Variants in STAT4 observed in about 807,000 individuals in gnomAD.
STAT4 encodes signal transducer and activator of transcription 4.
A neutral mutation model predicts 110.5 loss-of-function variants in STAT4; 42 were observed. That is an observed-to-expected ratio of 0.38 (90% CI 0.30 to 0.49). STAT4 has a LOEUF of 0.49. Among genes scored for constraint, STAT4 ranks in the 20% least tolerant of loss-of-function variants. The probability of loss-of-function intolerance (pLI) is 0.95; values close to 1 mark genes in which losing one functional copy is unlikely to be tolerated. For missense variants in STAT4, 632 were observed against 887.9 expected (o/e 0.71, Z 3.66); for synonymous variants, 284 against 302.2 (o/e 0.94, Z 0.63).
At chr2:191,100,315 C>T (rs1455097266) in intron 3 of STAT4, among the ~76,000 whole-genome samples, 1 of 152,088 alleles carries the variant, frequency 6.6e-6, no homozygotes, top group African/African-American at 2.4e-5. Flanking sequence ...GAAGGGATTG[C>T]TAATAGCTCA....
At chr2:191,052,100 T>C (rs1271343352) in intron 14 of STAT4, among the ~76,000 whole-genome samples, 2 of 152,230 alleles carry the variant, frequency 1.3e-5, no homozygotes, top group East Asian at 3.8e-4. Context: ...CCTGTTTTCC[T>C]GTAATTTGTG....
At chr2:191,075,574 G>T (rs1404385857) in intron 4 of STAT4, among the ~76,000 whole-genome samples, 1 of 152,160 alleles carries the variant, frequency 6.6e-6, no homozygotes. Context: ...CAGCTTGGAG[G>T]TGATTACTAT....
At chr2:191,048,613 C>CAA (rs199894325) in intron 14 of STAT4, among the ~76,000 whole-genome samples, 5 of 135,396 alleles carry the variant, frequency 3.7e-5, no homozygotes, top group Admixed American at 7.2e-5. Context: ...CCGTCTCTAC[C>CAA]AAAAAAAAAA....
rs977352194 is a variant in STAT4, at chr2:191,090,436, C to T, written c.274-14111G>A. ...GGTACAGTATAGGCTGTTGATGGAT[C>T]TAAATTAACAATGCTCTGTTATTAT... On this transcript the variant is annotated intron_variant, in intron 3 of 23. Transcript: ENST00000392320. This position sits in a 1 kb window ranked among gnomAD's most constrained non-coding sequence, Gnocchi z 4.2. Among the ~76,000 whole-genome samples the T allele has an allele frequency of 1.3e-5, 2 of 151,044 alleles. No individual in the cohort carries two copies. Among genetic ancestry groups the T allele is most frequent in the Non-Finnish European group, 2.9e-5 (2 of 67,812 alleles).
rs1699411544 is a variant in STAT4 at position 191,144,551 on chromosome 2, C to T, written c.273+2062G>A. ...GGAAAGATGCTAGAGGGCCAATTAA[C>T]ACATGCAGATGAGTTTGTGCTCGAG... On this transcript the variant is annotated intron_variant, in intron 3 of 23. Transcript: ENST00000392320. The surrounding 1 kb of genome is among the most constrained non-coding windows in gnomAD (Gnocchi z 4.7). Among the ~76,000 whole-genome samples the T allele has an allele frequency of 6.6e-6, 1 of 152,092 alleles. No homozygotes were observed. The highest frequency in any genetic ancestry group is 2.1e-4 in the South Asian group (1 of 4,806).
chr2:191,135,155 T>C lies in STAT4; in HGVS notation c.273+11458A>G, dbSNP rs953011980. On this transcript the variant is annotated intron_variant, in intron 3 of 23. Coordinates refer to ENST00000392320, the MANE Select transcript of STAT4 (RefSeq NM_003151.4). The surrounding 1 kb of genome is among the most constrained non-coding windows in gnomAD (Gnocchi z 4.8). Reference sequence around the variant, plus strand: ...GAAAAGATAAAATCAATAAACAACTTGCTAGACTAACCATAAAAAAGAGAG... The same window carrying C: ...GAAAAGATAAAATCAATAAACAACTCGCTAGACTAACCATAAAAAAGAGAG... Among the ~76,000 whole-genome samples, 1 of 152,036 alleles carries C rather than the reference T, an allele frequency of 6.6e-6. No individual in the cohort carries two copies. Among genetic ancestry groups the C allele is most frequent in the Non-Finnish European group, 1.5e-5 (1 of 67,990 alleles).
Position 191,051,833 on chromosome 2 carries a change from C to G in STAT4, c.1251+2657G>C, listed in dbSNP as rs569225607. 1.3e-5 allele frequency among the ~76,000 whole-genome samples: 2 copies of G among 152,288 alleles called. No homozygotes were observed. The highest frequency in any genetic ancestry group is 4.1e-4 in the South Asian group (2 of 4,828). ...ATCTTGGCCCTGCCATCAACTGCCCCCACTATCTTGAGTAAGCTGTGTGAC... is the reference window on the plus strand; with the variant it reads ...ATCTTGGCCCTGCCATCAACTGCCCGCACTATCTTGAGTAAGCTGTGTGAC... On this transcript the variant is annotated intron_variant, in intron 14 of 23. Coordinates refer to ENST00000392320, the MANE Select transcript of STAT4 (RefSeq NM_003151.4). This position sits in a 1 kb window ranked among gnomAD's most constrained non-coding sequence, Gnocchi z 5.6.
rs1302720202 is a variant in STAT4, at chr2:191,066,549, C to T, written c.545-34G>A. 6.3e-7 allele frequency: 1 copy of T among 1,595,928 alleles called. No individual in the cohort carries two copies. ...GTAAAGAGATCAGATTTAGAGTTCT[C>T]TCTATTCCTGAAAGTCAAGTCAGCC... is the stretch of plus-strand genomic sequence containing the variant. On this transcript the variant is annotated intron_variant, in intron 6 of 23. Coordinates refer to ENST00000392320, the MANE Select transcript of STAT4 (RefSeq NM_003151.4). This position sits in a 1 kb window ranked among gnomAD's most constrained non-coding sequence, Gnocchi z 4.3.
intron 3 of STAT4, among the ~76,000 whole-genome samples, chr2:191,084,181 G>C (rs1697566715): frequency 6.6e-6 from 1 of 151,940 alleles, no homozygotes; most frequent in Non-Finnish European, 1.5e-5. Flanking sequence ...AGACTCGCTT[G>C]AACCCAGGAG....
At chr2:191,123,038 GC>G (rs1207736835) in intron 3 of STAT4, among the ~76,000 whole-genome samples, 5 of 152,192 alleles carry the variant, frequency 3.3e-5, no homozygotes, top group African/African-American at 1.2e-4. Context: ...TGCTCTAAGT[GC>G]CTTGTATTAA....
intron 3 of STAT4, among the ~76,000 whole-genome samples, chr2:191,080,087 G>A (rs115636050): frequency 0.014 from 2,133 of 152,114 alleles, 43 homozygotes; most frequent in African/African-American, 0.043. Flanking sequence ...TACACATTTA[G>A]ACTTTTATAT....
At chr2:191,111,244 C>T (rs4241277) in intron 3 of STAT4, among the ~76,000 whole-genome samples, 152,262 of 152,334 alleles carry the variant, frequency 1, 76,095 homozygotes, top group Middle Eastern at 1. Context: ...TTTTCCTCTC[C>T]TCTACTTAAC....
rs750095435 is a variant in STAT4, at chr2:191,146,725, G to A, written c.161C>T (p.Thr54Met). Residue 54 changes from threonine (T) to methionine (M), a missense_variant, in exon 3 of 24, where the codon ACG becomes ATG. By Grantham distance (81) the Thr-to-Met change is moderately conservative (BLOSUM62 -1). Around this residue, in one of 4 missense-constraint regions of STAT4, gnomAD observed 488 missense variants for 632.8 expected, o/e 0.77. Transcript: ENST00000392320. This position sits in a 1 kb window ranked among gnomAD's most constrained non-coding sequence, Gnocchi z 4.5. ...EAASNNETMA[T>M]ILLQNLLIQL... ...TATTAACAAGTTTTGAAGAAGAATC[G>A]TTGCCATGGTTTCATTGTTAGAAGC... 2.9e-5 allele frequency: 46 copies of A among 1,567,620 alleles called. No individual in the cohort carries two copies. Among genetic ancestry groups the A allele is most frequent in the South Asian group, 1.1e-4 (9 of 81,758 alleles).
At chr2:191,034,719 CA>C (rs1695997870) in intron 17 of STAT4, 122 bp from the exon 18 acceptor site, 1 of 729,062 alleles carries the variant, frequency 1.4e-6, no homozygotes, top group Non-Finnish European at 2.5e-6. Flanking sequence ...TATGGGTTTG[CA>C]ATGTACTGAG....
chr2:191,048,559 T>C (rs1202145302), intron 14 of STAT4, among the ~76,000 whole-genome samples: 1 of 151,396 alleles, frequency 6.6e-6, no homozygotes, highest in African/African-American at 2.4e-5. Context: ...GTGGATCATC[T>C]GAGGTCAGGA....
chr2:191,037,328 A>C lies in STAT4; in HGVS notation c.1435-1029T>G, dbSNP rs1003701512. ...TTATTTGCTCTACATAATTAAAAAA[A>C]ACAAAAACAGAGAAATGATCTCGCT... is the stretch of plus-strand genomic sequence containing the variant. On this transcript the variant is annotated intron_variant, in intron 16 of 23. Transcript: ENST00000392320. The surrounding 1 kb of genome is among the most constrained non-coding windows in gnomAD (Gnocchi z 4.8). 5.3e-5 allele frequency among the ~76,000 whole-genome samples: 8 copies of C among 152,250 alleles called. No individual in the cohort carries two copies. The highest frequency in any genetic ancestry group is 1.9e-4 in the African/African-American group (8 of 41,556).
chr2:191,098,666 G>C (rs144882039), intron 3 of STAT4, among the ~76,000 whole-genome samples: 384 of 152,318 alleles, frequency 2.5e-3, no homozygotes, highest in African/African-American at 8.6e-3. Context: ...TAAATGACGA[G>C]TTAATGGGTG....
rs912717349 is a variant in STAT4, at chr2:191,090,812, C to T, written c.274-14487G>A. Among the ~76,000 whole-genome samples, 12 of 152,216 alleles carry T rather than the reference C, an allele frequency of 7.9e-5. No individual in the cohort carries two copies. Among genetic ancestry groups the T allele is most frequent in the South Asian group, 2.1e-4 (1 of 4,824 alleles). On this transcript the variant is annotated intron_variant, in intron 3 of 23. Coordinates refer to ENST00000392320, the MANE Select transcript of STAT4 (RefSeq NM_003151.4). This position sits in a 1 kb window ranked among gnomAD's most constrained non-coding sequence, Gnocchi z 4.2. ...TGTTCACCAAGACAGGGGATGGTCT[C>T]GATCCCCTGACCTCGTGATCCACCC...
chr2:191,032,831 A>T lies in STAT4; in HGVS notation c.2044+127T>A. On this transcript the variant is annotated intron_variant, in intron 21 of 23. Transcript: ENST00000392320. This position sits in a 1 kb window ranked among gnomAD's most constrained non-coding sequence, Gnocchi z 4.9. ...CTTCATTTCTAAGGCTTTGACCTCC[A>T]CATGCCCTTAGATCTTACAGAAATC... is the stretch of plus-strand genomic sequence containing the variant. The T allele has an allele frequency of 1.0e-6, 1 of 993,864 alleles. No individual in the cohort carries two copies. The highest frequency in any genetic ancestry group is 1.5e-6 in the Non-Finnish European group (1 of 685,162). 61.6% of individuals were successfully genotyped at this position (993,864 alleles called of 1,614,324 possible). A position where few individuals can be genotyped will look rare whatever the true frequency, so the allele number is the denominator to read the frequency against.
Sources: allele counts gnomAD v4.1 joint callset (sites outside exome capture counted in the v4.1 genomes callset), GRCh38; gene constraint gnomAD v4.1.1; regional missense constraint gnomAD v4.1.1; non-coding constraint Gnocchi (gnomAD v3.1); transcripts MANE v1.5; gene names NCBI Gene and HGNC (gene_info 2026-07-23, HGNC 2026-07-21).